The following POLR3E variants were observed in gnomAD, a reference collection of about 807,000 sequenced individuals.
POLR3E encodes the protein DNA-directed RNA polymerase III subunit RPC5.
A neutral mutation model predicts 96.6 loss-of-function variants in POLR3E; 41 were observed. That is an observed-to-expected ratio of 0.42 (90% CI 0.33 to 0.55). The LOEUF (loss-of-function observed/expected upper bound fraction) is 0.55, where lower values mean the gene tolerates loss of function less well. Ranked by LOEUF, POLR3E falls within the 20% of genes least tolerant of loss-of-function variation. The pLI is 0.06. For missense variants in POLR3E, 849 were observed against 952.1 expected (o/e 0.89, Z 1.43); for synonymous variants, 396 against 383.6 (o/e 1.03, Z -0.38).
intron 19 of POLR3E, 25 bp from the exon 20 acceptor site, chr16:22,332,035 T>C: frequency 6.2e-7 from 1 of 1,610,850 alleles, no homozygotes; most frequent in African/African-American, 1.3e-5. Flanking sequence ...CTGTTTCCCA[T>C]CATAACGTGT....
intron 13 of POLR3E, among the ~76,000 whole-genome samples, chr16:22,321,515 A>G (rs988104857): frequency 1.3e-5 from 2 of 152,210 alleles, no homozygotes; most frequent in South Asian, 2.1e-4. Flanking sequence ...GCAATGGCGC[A>G]TCGCGTATTA....
rs371481313 is a variant in POLR3E at position 22,313,615 on chromosome 16, G to T, written c.365-5G>T. 2 of 1,605,298 alleles carry T rather than the reference G, an allele frequency of 1.2e-6. No homozygotes were observed. The highest frequency in any genetic ancestry group is 1.7e-6 in the Non-Finnish European group (2 of 1,172,154). ...GTTGAGTCCAAGCCCTTCTTCCTCC[G>T]CCAGGTGAGCTCCACCTGACACCTT... is the stretch of plus-strand genomic sequence containing the variant. On this transcript the variant is annotated splice_polypyrimidine_tract_variant and splice_region_variant and intron_variant, in intron 6 of 20. Transcript: ENST00000299853. The surrounding 1 kb of genome is among the most constrained non-coding windows in gnomAD (Gnocchi z 4.1).
Position 22,308,242 on chromosome 16 carries a change from A to G in POLR3E, c.165+17A>G. On this transcript the variant is annotated intron_variant, in intron 4 of 20. Transcript: ENST00000299853. ...CAGCAGAAGGTGGGGCTGCCCCCTG[A>G]GGGCAGTTGGGGCCGAAAGAGAGGG... 6.2e-7 allele frequency: 1 copy of G among 1,601,524 alleles called. No individual in the cohort carries two copies. Among genetic ancestry groups the G allele is most frequent in the Non-Finnish European group, 8.6e-7 (1 of 1,168,728 alleles).
At chr16:22,332,014 T>G in intron 19 of POLR3E, 46 bp from the exon 20 acceptor site, 1 of 1,595,742 alleles carries the variant, frequency 6.3e-7, no homozygotes, top group Non-Finnish European at 8.6e-7. Context: ...GATGTTTCTC[T>G]TTTTAGATCA....
intron 9 of POLR3E, 105 bp downstream of exon 9, chr16:22,315,313 A>ATAGCC: frequency 1.7e-6 from 2 of 1,196,722 alleles, no homozygotes; most frequent in Non-Finnish European, 2.3e-6. Flanking sequence ...TTCATGAGTC[A>ATAGCC]TAGCCACAGA....
chr16:22,324,337 T>TG lies in POLR3E; in HGVS notation c.1069-16dup, dbSNP rs772426466. The TG allele has an allele frequency of 1.2e-6, 2 of 1,611,080 alleles. No individual in the cohort carries two copies. Among genetic ancestry groups the TG allele is most frequent in the African/African-American group, 2.7e-5 (2 of 74,756 alleles). ...GTCCGTGGCCGCCCCTGGAATGTGC[T>TG]GCTTCTTCTCCCTCAGATGTGGAAG... On this transcript the variant is annotated splice_polypyrimidine_tract_variant and intron_variant, in intron 14 of 20. Coordinates refer to ENST00000299853, the MANE Select transcript of POLR3E (RefSeq NM_018119.4).
At chr16:22,325,119 C>A in intron 16 of POLR3E, 86 bp from the exon 17 acceptor site, 1 of 1,032,548 alleles carries the variant, frequency 9.7e-7, no homozygotes, top group Admixed American at 1.7e-5. Flanking sequence ...CCAGCGTGTC[C>A]TGGGGCCTAA....
At chr16:22,331,767 CTCTCA>C (rs1461667344) in intron 19 of POLR3E, 6 of 240,144 alleles carry the variant, frequency 2.5e-5, no homozygotes, top group East Asian at 1.1e-4. Flanking sequence ...GCCACTCATC[CTCTCA>C]TGTCTCTTCA....
chr16:22,333,925 C>T lies in POLR3E; in HGVS notation c.*225C>T. On this transcript the variant is annotated 3_prime_UTR_variant, in exon 21 of 21. Transcript: ENST00000299853. The stretch of plus-strand genomic sequence containing the variant: ...CCCAGAAGAGACCAGCTGGGACCTT[C>T]TTTGCAGTACAATTTGAAATTCCTG... 2.3e-6 allele frequency: 1 copy of T among 434,422 alleles called. No homozygotes were observed. Among genetic ancestry groups the T allele is most frequent in the Non-Finnish European group, 4.1e-6 (1 of 244,458 alleles). 26.9% of individuals were successfully genotyped at this position (434,422 alleles called of 1,614,324 possible).
rs764477421 is a variant in POLR3E at position 22,318,857 on chromosome 16, C to A, written c.897C>A (p.Ser299Arg). 2 of 1,613,310 alleles carry A rather than the reference C, an allele frequency of 1.2e-6. No individual in the cohort carries two copies. Among genetic ancestry groups the A allele is most frequent in the South Asian group, 2.2e-5 (2 of 91,052 alleles). The change falls in exon 13 of 21, where the codon AGC becomes AGA. Residue 299 changes from serine (S) to arginine (R), a missense_variant. Ser to Arg is a moderately radical substitution (Grantham distance 110). Coordinates refer to ENST00000299853, the MANE Select transcript of POLR3E (RefSeq NM_018119.4). This position sits in a 1 kb window ranked among gnomAD's most constrained non-coding sequence, Gnocchi z 5.0. ...VKVMPFANLM[S>R]LLGPSIDSVA... ...TCATGCCTTTTGCCAACTTGATGAG[C>A]CTCCTGGGCCCCTCCATCGATTCCG...
intron 20 of POLR3E, among the ~76,000 whole-genome samples, chr16:22,332,592 G>A (rs913423326): frequency 4.6e-5 from 7 of 152,150 alleles, no homozygotes; most frequent in Admixed American, 6.5e-5. Flanking sequence ...TAGGTTGGAT[G>A]AGCTTGGCAG....
In POLR3E at chr16:22,322,905, G is replaced by A. The variant is rs556363906; in HGVS notation, c.1042G>A (p.Val348Met). Residue 348 changes from valine to methionine, a missense_variant, in exon 14 of 21, where the codon GTG becomes ATG. Physicochemically the swap from Val to Met is conservative, Grantham distance 21. Coordinates refer to ENST00000299853, the MANE Select transcript of POLR3E (RefSeq NM_018119.4). This position sits in a 1 kb window ranked among gnomAD's most constrained non-coding sequence, Gnocchi z 5.2. Reference protein sequence around the residue: ...SSPHSGVPAEVLCRGRDFVMW... With the variant: ...SSPHSGVPAEMLCRGRDFVMW... ...CCCTCACAGCGGCGTGCCTGCTGAG[G>A]TGCTCTGCAGGGGCCGAGACTTCGT... The A allele has an allele frequency of 1.9e-6, 3 of 1,612,950 alleles. No individual in the cohort carries two copies. The highest frequency in any genetic ancestry group is 2.2e-5 in the East Asian group (1 of 44,844).
In POLR3E at chr16:22,318,011, C is replaced by T. The variant is rs981445122; in HGVS notation, c.865+805C>T. Among the ~76,000 whole-genome samples, 1 of 152,034 alleles carries T rather than the reference C, an allele frequency of 6.6e-6. No homozygotes were observed. Among genetic ancestry groups the T allele is most frequent in the African/African-American group, 2.4e-5 (1 of 41,384 alleles). On this transcript the variant is annotated intron_variant, in intron 12 of 20. Transcript: ENST00000299853. The surrounding 1 kb of genome is among the most constrained non-coding windows in gnomAD (Gnocchi z 5.0). Reference sequence around the variant, plus strand: ...GAACCTGGGCTCGTCCTTTGAGATGCCACCATGAGCTCTTAGGAGTCTAAG... The same window carrying T: ...GAACCTGGGCTCGTCCTTTGAGATGTCACCATGAGCTCTTAGGAGTCTAAG...
At position 22,322,866 on chromosome 16, in the gene POLR3E, A is replaced by C. The variant is rs756092458; in HGVS notation, c.1003A>C (p.Lys335Gln). ...CATTGGCAGTGACATCCTATACCCC[A>C]AGGACTCGTCCAGCCCTCACAGCGG... Reference protein sequence around the residue: ...WVVKSDILYPKDSSSPHSGVP... With the variant: ...WVVKSDILYPQDSSSPHSGVP... Residue 335 changes from lysine (K) to glutamine (Q), a missense_variant, in exon 14 of 21, where the codon AAG becomes CAG. Coordinates refer to ENST00000299853, the MANE Select transcript of POLR3E (RefSeq NM_018119.4). This position sits in a 1 kb window ranked among gnomAD's most constrained non-coding sequence, Gnocchi z 5.2. 2 of 1,613,154 alleles carry C rather than the reference A, an allele frequency of 1.2e-6. No homozygotes were observed. Among genetic ancestry groups the C allele is most frequent in the South Asian group, 2.2e-5 (2 of 91,050 alleles).
chr16:22,328,971 C>G (rs762022182), intron 19 of POLR3E: 20 of 217,832 alleles, frequency 9.2e-5, no homozygotes, highest in Admixed American at 5.3e-5. Flanking sequence ...ACTAAAAATG[C>G]CCATAGTCGT....
rs1446232082 is a variant in POLR3E, at chr16:22,314,138, G to T, written c.522+10G>T. 10 of 1,612,598 alleles carry T rather than the reference G, an allele frequency of 6.2e-6. No individual in the cohort carries two copies. Among genetic ancestry groups the T allele is most frequent in the Non-Finnish European group, 8.5e-6 (10 of 1,178,902 alleles). On this transcript the variant is annotated intron_variant, in intron 8 of 20. Transcript: ENST00000299853. Reference sequence around the variant, plus strand: ...TGTTAAGCAGATCACGGTGAGCCCTGGCCCCTGGAGGAGGAGGGTGCTGCC... The same window carrying T: ...TGTTAAGCAGATCACGGTGAGCCCTTGCCCCTGGAGGAGGAGGGTGCTGCC...
At chr16:22,324,700 C>T in intron 16 of POLR3E, 40 bp downstream of exon 16, 1 of 1,605,734 alleles carries the variant, frequency 6.2e-7, no homozygotes, top group Non-Finnish European at 8.5e-7. Context: ...CCGGTGATCC[C>T]AGCAACCCTG....
intron 1 of POLR3E, among the ~76,000 whole-genome samples, chr16:22,300,094 G>C (rs960370341): frequency 4.6e-5 from 7 of 152,206 alleles, no homozygotes; most frequent in Non-Finnish European, 7.3e-5. Flanking sequence ...ACTTGGATGA[G>C]TGCTTTTCAC....
At chr16:22,333,512 T>C (rs2141831522) in intron 20 of POLR3E, 132 bp from the exon 21 acceptor site, 1 of 643,726 alleles carries the variant, frequency 1.6e-6, no homozygotes, top group Non-Finnish European at 2.8e-6. Context: ...CATGGTGGTA[T>C]GGTTAGGCAG....
Sources: gnomAD v4.1 joint callset for allele counts (sites outside exome capture counted in the v4.1 genomes callset) on GRCh38, gnomAD v4.1.1 for gene constraint, Gnocchi (gnomAD v3.1) non-coding constraint, MANE v1.5 for transcripts, NCBI Gene and HGNC (gene_info 2026-07-23, HGNC 2026-07-21) for gene names.